Variants in ARFIP2 observed in about 807,000 individuals in gnomAD.
ARFIP2 encodes ARF interacting protein 2, also known as arfaptin-2.
A neutral mutation model predicts 39.2 loss-of-function variants in ARFIP2; 14 were observed. That is an observed-to-expected ratio of 0.36 (90% confidence interval 0.24 to 0.56). The LOEUF is 0.56. ARFIP2 is among the 20% of genes least tolerant of loss of function. The pLI, the probability that ARFIP2 is intolerant of heterozygous loss-of-function variation, is 0.85. For missense variants in ARFIP2, 305 were observed against 422.5 expected, an observed-to-expected ratio of 0.72 and a Z score of 2.44; for synonymous variants, 167 against 172.4, an observed-to-expected ratio of 0.97 and a Z score of 0.24.
In ARFIP2 at chr11:6,476,985, G is replaced by T; in HGVS notation, c.*128C>A. On this transcript the variant is annotated 3_prime_UTR_variant, in exon 8 of 8. Coordinates refer to ENST00000396777, the MANE Select transcript of ARFIP2 (RefSeq NM_001376558.2). ...GCAATGTGGGCAAAACTGGTGTCAG[G>T]CCCCAGCCAGAAAAAGGAGCCCAAG... The T allele has an allele frequency of 8.6e-7, 1 of 1,162,576 alleles. No individual in the cohort carries two copies. Among genetic ancestry groups the T allele is most frequent in the Non-Finnish European group, 1.2e-6 (1 of 848,392 alleles). The allele number at this position is 1,162,576 out of a possible 1,614,324, so 72.0% of individuals were successfully genotyped here.
intron 3 of ARFIP2, 160 bp from the exon 4 acceptor site, chr11:6,479,418 C>G (rs571977171): frequency 4.1e-6 from 6 of 1,478,034 alleles, no homozygotes; most frequent in Non-Finnish European, 4.6e-6. Context: ...TCGGACTTTG[C>G]GCGGTGAGAA....
chr11:6,480,163 T>G, intron 2 of ARFIP2, 95 bp from the exon 3 acceptor site: 1 of 1,315,946 alleles, frequency 7.6e-7, no homozygotes, highest in Non-Finnish European at 1.1e-6. Flanking sequence ...ATCATAAAGA[T>G]AGTACACAAG....
intron 3 of ARFIP2, 44 bp from the exon 4 acceptor site, chr11:6,479,302 C>T: frequency 6.2e-7 from 1 of 1,613,458 alleles, no homozygotes; most frequent in South Asian, 1.1e-5. Context: ...TCAGATACAC[C>T]AGACACCTCT....
In ARFIP2 at chr11:6,477,834, C is replaced by T. The variant is rs145755827; in HGVS notation, c.754G>A (p.Ala252Thr). 2 of 1,614,042 alleles carry T rather than the reference C, an allele frequency of 1.2e-6. No individual in the cohort carries two copies. The highest frequency in any genetic ancestry group is 8.5e-7 in the Non-Finnish European group (1 of 1,179,974). ...CTCTCAAGTCGACCACGTGTCCCTGCATCCCGGGGGCCTAGACTCAGCTCC... is the reference window on the plus strand; with the variant it reads ...CTCTCAAGTCGACCACGTGTCCCTGTATCCCGGGGGCCTAGACTCAGCTCC... Reference protein sequence around the residue: ...LEELSLGPRDAGTRGRLESAQ... With the variant: ...LEELSLGPRDTGTRGRLESAQ... Residue 252 changes from alanine (A) to threonine (T), a missense_variant, in exon 7 of 8, where the codon GCA becomes ACA. By Grantham distance (58) the Ala-to-Thr change is moderately conservative. This residue lies in a region of ARFIP2 where 112 missense variants were observed against 118.2 expected (regional missense o/e 0.95). Coordinates refer to ENST00000396777, the MANE Select transcript of ARFIP2 (RefSeq NM_001376558.2). This position sits in a 1 kb window ranked among gnomAD's most constrained non-coding sequence, Gnocchi z 4.8.
Position 6,477,347 on chromosome 11 carries a change from A to T in ARFIP2, c.871-79T>A. ...TCTATGAGCCTGAGCCCAGGCACAG[A>T]CCAGGGGCACAAGGACTCTGCTCTG... On this transcript the variant is annotated intron_variant, in intron 7 of 7. Coordinates refer to ENST00000396777, the MANE Select transcript of ARFIP2 (RefSeq NM_001376558.2). This position sits in a 1 kb window ranked among gnomAD's most constrained non-coding sequence, Gnocchi z 4.8. 1 of 1,498,766 alleles carries T rather than the reference A, an allele frequency of 6.7e-7. No homozygotes were observed. Among genetic ancestry groups the T allele is most frequent in the Admixed American group, 2.0e-5 (1 of 49,142 alleles). 92.8% of individuals were successfully genotyped at this position (1,498,766 alleles called of 1,614,324 possible). A position where few individuals can be genotyped will look rare whatever the true frequency, so the allele number is the denominator to read the frequency against.
chr11:6,478,178 T>A lies in ARFIP2; in HGVS notation c.558A>T (p.Ala186=). 1 of 1,614,090 alleles carries A rather than the reference T, an allele frequency of 6.2e-7. No homozygotes were observed. The highest frequency in any genetic ancestry group is 8.5e-7 in the Non-Finnish European group (1 of 1,179,986). ...TCTTGCATAGTAGTTTCTGTGTCTC[T>A]GCATTGTAGCCAAATTCCTCCTGAG... The part of the protein sequence containing the change: ...PELQEEFGYN[A]ETQKLLCKNG... Residue 186 remains alanine, a synonymous_variant, in exon 6 of 8, where the codon GCA becomes GCT. Coordinates refer to ENST00000396777, the MANE Select transcript of ARFIP2 (RefSeq NM_001376558.2). This position sits in a 1 kb window ranked among gnomAD's most constrained non-coding sequence, Gnocchi z 4.8.
In ARFIP2 at chr11:6,478,941, A is replaced by T. The variant is rs768951451; in HGVS notation, c.334T>A (p.Ser112Thr). Residue 112 changes from serine (S) to threonine (T), a missense_variant, in exon 5 of 8, where the codon TCA (serine) becomes ACA (threonine). Ser to Thr is a moderately conservative substitution (Grantham distance 58). Coordinates refer to ENST00000396777, the MANE Select transcript of ARFIP2 (RefSeq NM_001376558.2). The surrounding 1 kb of genome is among the most constrained non-coding windows in gnomAD (Gnocchi z 4.8). ...NTYKCTKQLL[S>T]ERFGRGSRTV... ...CGTGAGCCTCGACCAAATCGTTCTG[A>T]TAACAGTTGCTTTGTGCACTGATTG... 6.8e-6 allele frequency: 11 copies of T among 1,614,184 alleles called. No individual in the cohort carries two copies. Among genetic ancestry groups the T allele is most frequent in the Non-Finnish European group, 9.3e-6 (11 of 1,180,020 alleles).
chr11:6,479,345 GA>G, intron 3 of ARFIP2, 87 bp from the exon 4 acceptor site: 1 of 1,608,622 alleles, frequency 6.2e-7, no homozygotes. Flanking sequence ...TCGAGCACAT[GA>G]AATTGACTTC....
chr11:6,478,733 G>A lies in ARFIP2; in HGVS notation c.537+5C>T, dbSNP rs1369723620. 1.9e-6 allele frequency: 3 copies of A among 1,607,434 alleles called. No individual in the cohort carries two copies. Among genetic ancestry groups the A allele is most frequent in the African/African-American group, 1.3e-5 (1 of 74,792 alleles). ...CCCCCACCCTCTTTGGTCTGGGTGAGGCACCTGAAGCTCTGGGGACTTCTG... is the reference window on the plus strand; with the variant it reads ...CCCCCACCCTCTTTGGTCTGGGTGAAGCACCTGAAGCTCTGGGGACTTCTG... On this transcript the variant is annotated splice_donor_5th_base_variant and intron_variant, in intron 5 of 7. Coordinates refer to ENST00000396777, the MANE Select transcript of ARFIP2 (RefSeq NM_001376558.2). This position sits in a 1 kb window ranked among gnomAD's most constrained non-coding sequence, Gnocchi z 4.8.
chr11:6,479,092 A>T (rs1851439924), intron 4 of ARFIP2, 48 bp downstream of exon 4: 2 of 1,593,414 alleles, frequency 1.3e-6, no homozygotes, highest in Non-Finnish European at 1.7e-6. Context: ...AAAGGGAAAA[A>T]GGTACCCATA....
rs1387555132 is a variant in ARFIP2 at position 6,478,475 on chromosome 11, G to A, written c.537+263C>T. On this transcript the variant is annotated intron_variant, in intron 5 of 7. Transcript: ENST00000396777. This position sits in a 1 kb window ranked among gnomAD's most constrained non-coding sequence, Gnocchi z 4.8. ...CAAGCAGGGGAGGGGCTCTGATTAG[G>A]CTGAGCACGAAGGCATTCTCCCCAG... 4.7e-5 allele frequency: 56 copies of A among 1,185,854 alleles called. No homozygotes were observed. The highest frequency in any genetic ancestry group is 6.3e-5 in the Non-Finnish European group (55 of 872,850). The allele number at this position is 1,185,854 out of a possible 1,614,324, so 73.5% of individuals were successfully genotyped here.
In ARFIP2 at chr11:6,479,228, G is replaced by T. The variant is rs1215494951; in HGVS notation, c.227C>A (p.Thr76Asn). The T allele has an allele frequency of 6.2e-7, 1 of 1,614,198 alleles. No homozygotes were observed. Among genetic ancestry groups the T allele is most frequent in the Admixed American group, 1.7e-5 (1 of 60,028 alleles). Residue 76 changes from threonine (T) to asparagine (N), a missense_variant, in exon 4 of 8, where the codon ACT becomes AAT. Physicochemically the swap from Thr to Asn is moderately conservative, Grantham distance 65. Coordinates refer to ENST00000396777, the MANE Select transcript of ARFIP2 (RefSeq NM_001376558.2). The stretch of plus-strand genomic sequence containing the variant: ...CACCTCATCTCCAGGGCCAGAAGGA[G>T]TGGTGCTGTGAGATGGATGGCGGCC... ...GSGRHPSHST[T>N]PSGPGDEVAR...
At position 6,478,713 on chromosome 11, in the gene ARFIP2, AC is replaced by A; in HGVS notation, c.537+24del. The A allele has an allele frequency of 6.3e-7, 1 of 1,599,626 alleles. No individual in the cohort carries two copies. The highest frequency in any genetic ancestry group is 2.3e-5 in the East Asian group (1 of 44,320). On this transcript the variant is annotated intron_variant, in intron 5 of 7. Coordinates refer to ENST00000396777, the MANE Select transcript of ARFIP2 (RefSeq NM_001376558.2). This position sits in a 1 kb window ranked among gnomAD's most constrained non-coding sequence, Gnocchi z 4.8. ...GGGAGGGCCCATGCCCAGTTCCCCC[AC>A]CCTCTTTGGTCTGGGTGAGGCACCT...
At chr11:6,480,091 T>A (rs375797864) in intron 2 of ARFIP2, 23 bp from the exon 3 acceptor site, 2 of 1,603,132 alleles carry the variant, frequency 1.2e-6, no homozygotes, top group Non-Finnish European at 1.7e-6. Context: ...GAAGAGGGGT[T>A]GCTTCAGGAA....
At chr11:6,479,456 T>TC in intron 3 of ARFIP2, 198 bp from the exon 4 acceptor site, 2 of 1,037,224 alleles carry the variant, frequency 1.9e-6, no homozygotes, top group Non-Finnish European at 2.8e-6. Context: ...TATGGCCTCC[T>TC]TGGGGGTTAG....
At position 6,481,274 on chromosome 11, in the gene ARFIP2, C is replaced by A. The variant is rs1054334336; in HGVS notation, c.-86G>T. ...TCCCCTCAGGGCGCCAGGCCCGGGC[C>A]GCGCGGGGACCTCGGGCTCCAGTTC... On this transcript the variant is annotated 5_prime_UTR_variant, in exon 1 of 8. Coordinates refer to ENST00000396777, the MANE Select transcript of ARFIP2 (RefSeq NM_001376558.2). 4 of 629,382 alleles carry A rather than the reference C, an allele frequency of 6.4e-6. No homozygotes were observed. The African/African-American group carries it at 7.4e-5, about 12-fold the overall frequency. The allele number at this position is 629,382 out of a possible 1,614,324, so 39.0% of individuals were successfully genotyped here. A position where few individuals can be genotyped will look rare whatever the true frequency, so the allele number is the denominator to read the frequency against.
intron 2 of ARFIP2, 103 bp downstream of exon 2, chr11:6,480,220 G>A: frequency 1.5e-6 from 2 of 1,293,998 alleles, no homozygotes; most frequent in Non-Finnish European, 1.1e-6. Flanking sequence ...AATGAAGGGA[G>A]TCAGATAAGT....
At position 6,478,141 on chromosome 11, in the gene ARFIP2, G is replaced by T. The variant is rs1165708457; in HGVS notation, c.595C>A (p.Leu199Met). ...QKLLCKNGET[L>M]LGAVNFFVSS... ...ACAAAGAAGTTCACGGCTCCTAGCA[G>T]CGTTTCCCCATTCTTGCATAGTAGT... Residue 199 changes from leucine to methionine, a missense_variant, in exon 6 of 8, where the codon CTG becomes ATG. Coordinates refer to ENST00000396777, the MANE Select transcript of ARFIP2 (RefSeq NM_001376558.2). The surrounding 1 kb of genome is among the most constrained non-coding windows in gnomAD (Gnocchi z 4.8). The T allele has an allele frequency of 6.2e-7, 1 of 1,613,988 alleles. No homozygotes were observed. Among genetic ancestry groups the T allele is most frequent in the African/African-American group, 1.3e-5 (1 of 74,888 alleles).
intron 3 of ARFIP2, 45 bp downstream of exon 3, chr11:6,479,927 C>G: frequency 1.3e-6 from 2 of 1,570,308 alleles, no homozygotes; most frequent in Non-Finnish European, 1.8e-6. Context: ...CAAACCATTC[C>G]TGTCCCCTCC....
Sources: gnomAD v4.1 joint callset for allele counts on GRCh38, gnomAD v4.1.1 for gene constraint, gnomAD v4.1.1 regional missense constraint, Gnocchi (gnomAD v3.1) non-coding constraint, MANE v1.5 for transcripts, NCBI Gene and HGNC (gene_info 2026-07-23, HGNC 2026-07-21) for gene names.